The following WASF3 variants were observed in gnomAD, a reference collection of about 807,000 sequenced individuals.
WASF3 encodes WASP family member 3, also known as actin-binding protein WASF3.
A neutral mutation model predicts 46.6 loss-of-function variants in WASF3; 11 were observed. That is an observed-to-expected ratio of 0.24 (90% confidence interval 0.15 to 0.39). WASF3 has a LOEUF of 0.39. WASF3 is among the 10% of genes least tolerant of loss of function. The probability of loss-of-function intolerance (pLI) is 1.00; values close to 1 mark genes in which losing one functional copy is unlikely to be tolerated. For missense variants in WASF3, 576 were observed against 669.8 expected (o/e 0.86, Z 1.55); for synonymous variants, 242 against 259.7 (o/e 0.93, Z 0.65).
intron 2 of WASF3, among the ~76,000 whole-genome samples, chr13:26,627,638 GA>G (rs1231256372): frequency 1.3e-5 from 2 of 152,138 alleles, no homozygotes; most frequent in Non-Finnish European, 2.9e-5. Flanking sequence ...GAATTCTTAA[GA>G]GAATCCTCGC....
chr13:26,580,006 T>C (rs1879930825), intron 1 of WASF3, among the ~76,000 whole-genome samples: 1 of 152,188 alleles, frequency 6.6e-6, no homozygotes, highest in Non-Finnish European at 1.5e-5. Context: ...TTTTTTGTGA[T>C]TTATTTATTA....
intron 1 of WASF3, among the ~76,000 whole-genome samples, chr13:26,571,396 T>TA (rs1386047265): frequency 6.6e-6 from 1 of 152,202 alleles, no homozygotes; most frequent in African/African-American, 2.4e-5. Context: ...AGATTTATGA[T>TA]ACGCTACAAA....
chr13:26,592,324 A>G (rs1005027866), intron 1 of WASF3, among the ~76,000 whole-genome samples: 1 of 152,128 alleles, frequency 6.6e-6, no homozygotes, highest in Non-Finnish European at 1.5e-5. Flanking sequence ...TGTTTTATTT[A>G]TGAATTTTAT....
chr13:26,564,487 T>A (rs964032173), intron 1 of WASF3, among the ~76,000 whole-genome samples: 5 of 152,244 alleles, frequency 3.3e-5, no homozygotes, highest in Admixed American at 1.3e-4. Flanking sequence ...ATTGAATTTT[T>A]AAAAGTTCCT....
intron 7 of WASF3, 80 bp downstream of exon 7, chr13:26,676,804 A>G (rs1000983963): frequency 3.0e-5 from 42 of 1,400,816 alleles, no homozygotes; most frequent in Non-Finnish European, 3.9e-5. Flanking sequence ...TTTGAAATGC[A>G]TCAATAGCTT....
chr13:26,630,392 G>A (rs1266573876), intron 2 of WASF3, among the ~76,000 whole-genome samples: 3 of 152,032 alleles, frequency 2.0e-5, no homozygotes, highest in Admixed American at 2.0e-4. Context: ...TCCCACCTAT[G>A]AGTGAGAACA....
chr13:26,570,820 A>G (rs1392157972), intron 1 of WASF3, among the ~76,000 whole-genome samples: 4 of 152,298 alleles, frequency 2.6e-5, no homozygotes. Context: ...AAGTCCTCAA[A>G]TTTGGATTTC....
chr13:26,555,179 C>T (rs999368874), upstream of WASF3, among the ~76,000 whole-genome samples: 2 of 152,044 alleles, frequency 1.3e-5, no homozygotes, highest in Admixed American at 1.3e-4. Context: ...TGTTTATTTG[C>T]CATCTGTGTA....
At chr13:26,565,959 TC>T (rs2137145589) in intron 1 of WASF3, among the ~76,000 whole-genome samples, 1 of 152,276 alleles carries the variant, frequency 6.6e-6, no homozygotes, top group Non-Finnish European at 1.5e-5. Flanking sequence ...CTACAAAACT[TC>T]AGAACATCAT....
At chr13:26,600,805 C>T (rs1274402308) in intron 1 of WASF3, among the ~76,000 whole-genome samples, 3 of 152,160 alleles carry the variant, frequency 2.0e-5, no homozygotes, top group African/African-American at 4.8e-5. Flanking sequence ...ACTGTCGCAG[C>T]ACTGTAGAAT....
the WASF3 span, among the ~76,000 whole-genome samples, chr13:26,550,398 C>A: frequency 6.6e-6 from 1 of 152,084 alleles, no homozygotes; most frequent in Admixed American, 6.5e-5. Flanking sequence ...CTGAAGGGAA[C>A]AGATCTTATA....
chr13:26,572,098 G>T (rs528850705), intron 1 of WASF3, among the ~76,000 whole-genome samples: 1 of 152,236 alleles, frequency 6.6e-6, no homozygotes, highest in Admixed American at 6.5e-5. Context: ...ATTGATTCCT[G>T]GAGTTTTTCA....
At chr13:26,597,544 C>T (rs1880507559) in intron 1 of WASF3, among the ~76,000 whole-genome samples, 1 of 151,992 alleles carries the variant, frequency 6.6e-6, no homozygotes, top group African/African-American at 2.4e-5. Flanking sequence ...AGGTTTGTTA[C>T]ATATGTATAT....
intron 2 of WASF3, among the ~76,000 whole-genome samples, chr13:26,618,316 A>T (rs1470183780): frequency 2.0e-5 from 3 of 152,180 alleles, no homozygotes. Context: ...TGCAGATAAC[A>T]CCTGAATATA....
chr13:26,577,898 C>T (rs1019664416), intron 1 of WASF3, among the ~76,000 whole-genome samples: 3 of 152,172 alleles, frequency 2.0e-5, no homozygotes, highest in Non-Finnish European at 2.9e-5. Context: ...CACAGAGGAA[C>T]TCCCTTAGGT....
chr13:26,609,100 T>C (rs982880076), intron 1 of WASF3, among the ~76,000 whole-genome samples: 1 of 152,126 alleles, frequency 6.6e-6, no homozygotes, highest in Non-Finnish European at 1.5e-5. Context: ...TACAATCAGA[T>C]TAGGATAATA....
At chr13:26,627,800 T>G (rs1271133041) in intron 2 of WASF3, among the ~76,000 whole-genome samples, 1 of 151,540 alleles carries the variant, frequency 6.6e-6, no homozygotes. Context: ...GACGAGTTAG[T>G]GGGTGCAGCA....
At chr13:26,651,396 AAG>A (rs1225365260) in intron 3 of WASF3, among the ~76,000 whole-genome samples, 2 of 152,200 alleles carry the variant, frequency 1.3e-5, no homozygotes, top group African/African-American at 4.8e-5. Context: ...TAAAAGAAGA[AAG>A]AGGAAAAATA....
At chr13:26,609,275 C>T (rs900204207) in intron 1 of WASF3, 3 of 151,896 alleles carry the variant, frequency 2.0e-5, no homozygotes, top group Non-Finnish European at 4.4e-5. Context: ...TGTAAAATGC[C>T]CTATAGTACA....
Sources: gnomAD v4.1 joint callset for allele counts (sites outside exome capture counted in the v4.1 genomes callset) on GRCh38, gnomAD v4.1.1 for gene constraint, MANE v1.5 for transcripts, NCBI Gene and HGNC (gene_info 2026-07-23, HGNC 2026-07-21) for gene names.